The following ABCG2 variants were observed in gnomAD, a reference collection of about 807,000 sequenced individuals.
The protein encoded by ABCG2 is broad substrate specificity ATP-binding cassette transporter ABCG2.
A neutral mutation model predicts 73.5 loss-of-function variants in ABCG2; 80 were observed. The ratio of observed to expected loss-of-function variants is 1.09; its 90% CI spans 0.91 to 1.31. The LOEUF (loss-of-function observed/expected upper bound fraction) is 1.31, where lower values mean the gene tolerates loss of function less well. ABCG2 is among the 50% of genes most tolerant of loss of function. The probability of loss-of-function intolerance (pLI) is 0.00; values close to 1 mark genes in which losing one functional copy is unlikely to be tolerated. For missense variants in ABCG2, 796 were observed against 786.2 expected, an observed-to-expected ratio of 1.01 and a Z score of -0.15; for synonymous variants, 269 against 282.4, an observed-to-expected ratio of 0.95 and a Z score of 0.48.
chr4:88,207,283 A>G (rs59492220), intron 1 of ABCG2, among the ~76,000 whole-genome samples: 98,787 of 151,840 alleles, frequency 0.65, 34,333 homozygotes, highest in East Asian at 1. Flanking sequence ...CATGAGTTCA[A>G]TTGGACTTCC....
chr4:88,211,357 T>TCCCCC (rs1560460419), intron 1 of ABCG2, among the ~76,000 whole-genome samples: 1 of 18,888 alleles, frequency 5.3e-5, no homozygotes, highest in African/African-American at 1.6e-4. Context: ...GTTCAACCCC[T>TCCCCC]GCCCCACCCC....
intron 1 of ABCG2, among the ~76,000 whole-genome samples, chr4:88,228,263 G>T (rs2110136015): frequency 6.6e-6 from 1 of 152,260 alleles, no homozygotes; most frequent in South Asian, 2.1e-4. Flanking sequence ...TAGACAGCCG[G>T]ACTGAGGGAT....
chr4:88,098,527 C>CAT lies in ABCG2; in HGVS notation c.1492+795_1492+796dup, dbSNP rs891485306. On this transcript the variant is annotated intron_variant, in intron 12 of 15. Coordinates refer to ENST00000237612, the MANE Select transcript of ABCG2 (RefSeq NM_004827.3). ...ATGGGTAATATATATTAAATAAATACATATATATATATTTAATCATTTTAT... is the reference window on the plus strand; with the variant it reads ...ATGGGTAATATATATTAAATAAATACATATATATATATATTTAATCATTTTAT... 3.0e-4 allele frequency among the ~76,000 whole-genome samples: 45 copies of CAT among 149,974 alleles called. No homozygotes were observed. The East Asian group carries it at 4.1e-3, about 14-fold the overall frequency.
At chr4:88,107,119 T>A in intron 10 of ABCG2, 65 bp downstream of exon 10, 1 of 1,210,462 alleles carries the variant, frequency 8.3e-7, no homozygotes, top group Non-Finnish European at 1.2e-6. Context: ...AAATTCTTAA[T>A]GGATTTCAAT....
chr4:88,174,624 T>C (rs933654554), intron 1 of ABCG2, among the ~76,000 whole-genome samples: 1 of 152,194 alleles, frequency 6.6e-6, no homozygotes, highest in Non-Finnish European at 1.5e-5. Flanking sequence ...ACTCCTGACC[T>C]CAGGTGATCC....
At chr4:88,148,520 C>T (rs552484027) in intron 1 of ABCG2, among the ~76,000 whole-genome samples, 2 of 152,136 alleles carry the variant, frequency 1.3e-5, no homozygotes, top group South Asian at 2.1e-4. Context: ...CTGGAGGGTC[C>T]CTGACTGCAA....
At chr4:88,202,610 C>T (rs1004984860) in intron 1 of ABCG2, among the ~76,000 whole-genome samples, 2 of 151,760 alleles carry the variant, frequency 1.3e-5, no homozygotes, top group Non-Finnish European at 1.5e-5. Flanking sequence ...ACAGGAGCGT[C>T]CAGGCTCCTC....
At chr4:88,129,475 A>G (rs892430067) in intron 5 of ABCG2, among the ~76,000 whole-genome samples, 7 of 152,186 alleles carry the variant, frequency 4.6e-5, no homozygotes, top group African/African-American at 1.4e-4. Flanking sequence ...CTAACAAGCA[A>G]CATAGGGCAA....
chr4:88,229,289 A>G (rs1208011785), intron 1 of ABCG2, among the ~76,000 whole-genome samples: 2 of 152,144 alleles, frequency 1.3e-5, no homozygotes, highest in Admixed American at 1.3e-4. Flanking sequence ...TCCTCTGACT[A>G]TCACTTGTAT....
At chr4:88,147,029 G>GA (rs1489847654) in intron 1 of ABCG2, among the ~76,000 whole-genome samples, 3 of 138,764 alleles carry the variant, frequency 2.2e-5, no homozygotes, top group Non-Finnish European at 3.2e-5. Flanking sequence ...AAGAAAGAAA[G>GA]AAAGAAAGAA....
At chr4:88,225,296 T>C (rs200439676) in intron 1 of ABCG2, among the ~76,000 whole-genome samples, 5 of 152,230 alleles carry the variant, frequency 3.3e-5, no homozygotes, top group African/African-American at 9.6e-5. Context: ...GGTATGGCTG[T>C]GTTCCAATAA....
At chr4:88,176,862 T>A (rs1196783572) in intron 1 of ABCG2, among the ~76,000 whole-genome samples, 4 of 152,064 alleles carry the variant, frequency 2.6e-5, no homozygotes, top group African/African-American at 9.7e-5. Context: ...GCTTATTCTA[T>A]ACTTAATTTC....
intron 1 of ABCG2, among the ~76,000 whole-genome samples, chr4:88,200,057 G>A (rs1729098123): frequency 6.6e-6 from 1 of 152,070 alleles, no homozygotes; most frequent in Non-Finnish European, 1.5e-5. Context: ...CGGCATGGTG[G>A]CTCATGCCTG....
At chr4:88,196,572 G>A (rs1243051870) in intron 1 of ABCG2, among the ~76,000 whole-genome samples, 2 of 152,032 alleles carry the variant, frequency 1.3e-5, no homozygotes, top group Non-Finnish European at 2.9e-5. Context: ...TGGTAAGTTT[G>A]CTTGTGGAAG....
intron 5 of ABCG2, among the ~76,000 whole-genome samples, chr4:88,125,634 A>C (rs1046497886): frequency 3.3e-5 from 5 of 150,202 alleles, no homozygotes; most frequent in African/African-American, 9.8e-5. Context: ...AAAAAAAAAA[A>C]AACTGTAGAA....
At chr4:88,125,999 G>GT (rs1724383019) in intron 5 of ABCG2, among the ~76,000 whole-genome samples, 1 of 152,108 alleles carries the variant, frequency 6.6e-6, no homozygotes. Context: ...TCCAGGGCTG[G>GT]TTTTTTGAAA....
chr4:88,099,506 GGCTAGACTTGTCTGTT>G, intron 11 of ABCG2, 58 bp from the exon 12 acceptor site: 1 of 1,510,448 alleles, frequency 6.6e-7, no homozygotes, highest in Non-Finnish European at 8.8e-7. Flanking sequence ...CCACAGGGCA[GGCTAGACTTGTCTGTT>G]ACAGACCTCT....
intron 2 of ABCG2, among the ~76,000 whole-genome samples, chr4:88,135,834 C>G (rs1290000444): frequency 6.6e-6 from 1 of 152,146 alleles, no homozygotes; most frequent in East Asian, 1.9e-4. Context: ...GAAGAGATAG[C>G]TGGAGGGTGG....
At chr4:88,220,288 G>A (rs780350332) in intron 1 of ABCG2, among the ~76,000 whole-genome samples, 1 of 152,110 alleles carries the variant, frequency 6.6e-6, no homozygotes, top group Non-Finnish European at 1.5e-5. Context: ...ATAAACATCT[G>A]TCTGAGCCTC....
Sources: allele counts gnomAD v4.1 joint callset (sites outside exome capture counted in the v4.1 genomes callset), GRCh38; gene constraint gnomAD v4.1.1; transcripts MANE v1.5; gene names NCBI Gene and HGNC (gene_info 2026-07-23, HGNC 2026-07-21).